The following TRIP12 variants were observed in gnomAD, a reference collection of about 807,000 sequenced individuals.
TRIP12 encodes the protein E3 ubiquitin-protein ligase TRIP12.
In TRIP12, 25 loss-of-function variants were observed where a neutral mutation model predicts 244.2. The observed-to-expected ratio is 0.10, with a 90% confidence interval of 0.07 to 0.14. TRIP12 has a LOEUF of 0.14. Ranked by LOEUF, TRIP12 falls within the 10% of genes least tolerant of loss-of-function variation. The pLI is 1.00. For synonymous variants in TRIP12, 905 were observed against 873.1 expected (o/e 1.04, Z -0.64); for missense variants, 1,677 against 2,486.4 (o/e 0.67, Z 6.92).
chr2:229,769,412 G>A, intron 39 of TRIP12, 87 bp from the exon 40 acceptor site: 1 of 1,185,276 alleles, frequency 8.4e-7, no homozygotes, highest in East Asian at 2.5e-5. Flanking sequence ...TACCATAAAA[G>A]AGTATCAGTC....
chr2:229,786,948 C>T (rs1285981832), intron 33 of TRIP12, among the ~76,000 whole-genome samples: 1 of 152,152 alleles, frequency 6.6e-6, no homozygotes, highest in Non-Finnish European at 1.5e-5. Flanking sequence ...ACTGTAGAAT[C>T]GGTCTCCACT....
chr2:229,767,812 A>G (rs1221048197), intron 41 of TRIP12, 62 bp from the exon 42 acceptor site: 1 of 1,496,544 alleles, frequency 6.7e-7, no homozygotes, highest in African/African-American at 1.4e-5. Flanking sequence ...GCTATCAGAA[A>G]ACATTCCACT....
In TRIP12 at chr2:229,766,303, A is replaced by G. The variant is rs994775807; in HGVS notation, c.*1251T>C. 1 of 152,212 alleles carries G rather than the reference A, an allele frequency of 6.6e-6. No individual in the cohort carries two copies. Among genetic ancestry groups the G allele is most frequent in the Non-Finnish European group, 1.5e-5 (1 of 68,042 alleles). 9.4% of individuals were successfully genotyped at this position (152,212 alleles called of 1,614,324 possible). A position where few individuals can be genotyped will look rare whatever the true frequency, so the allele number is the denominator to read the frequency against. On this transcript the variant is annotated 3_prime_UTR_variant, in exon 42 of 42. Coordinates refer to ENST00000675903, the MANE Select transcript of TRIP12 (RefSeq NM_001348323.3). ...ATCAGCCATGACCCGAATCATGGAG[A>G]TATGTGGATTTCCTTGCATTGAAAT...
chr2:229,777,556 G>T, intron 36 of TRIP12, 77 bp from the exon 37 acceptor site: 1 of 1,451,642 alleles, frequency 6.9e-7, no homozygotes, highest in Non-Finnish European at 9.5e-7. Flanking sequence ...CACTTCAGGA[G>T]ATCATTTAAA....
chr2:229,777,348 T>C lies in TRIP12; in HGVS notation c.5496A>G (p.Arg1832=), dbSNP rs2036599248. Residue 1832 remains arginine, a synonymous_variant, in exon 37 of 42, where the codon AGA becomes AGG. Coordinates refer to ENST00000675903, the MANE Select transcript of TRIP12 (RefSeq NM_001348323.3). ...TATCTTGTTCAAGTCTTTTCTTCTG[T>C]CTGACAATGTCTTCTAGGTGATAAA... ...RSVYHLEDIV[R]QKKRLEQDKS... is the part of the protein sequence containing the mutation. 2 of 1,613,736 alleles carry C rather than the reference T, an allele frequency of 1.2e-6. No homozygotes were observed. Among genetic ancestry groups the C allele is most frequent in the Middle Eastern group, 3.3e-4 (2 of 6,062 alleles).
At chr2:229,782,261 G>T (rs565716766) in intron 34 of TRIP12, among the ~76,000 whole-genome samples, 1 of 151,834 alleles carries the variant, frequency 6.6e-6, no homozygotes, top group African/African-American at 2.4e-5. Context: ...AGCAGTCCAG[G>T]GCCTCCACTC....
chr2:229,818,372 G>A lies in TRIP12; in HGVS notation c.1591C>T (p.Pro531Ser). ...LGGFPVKSVV[P>S]ALITLLQMEH... is the part of the protein sequence containing the mutation. The stretch of plus-strand genomic sequence containing the variant: ...AAAAACATTATGCTTACCAAAGCTG[G>A]AACAACACTCTTGACAGGAAACCCT... Residue 531 changes from proline to serine, a missense_variant, in exon 9 of 42, where the codon CCA becomes TCA. Pro to Ser is a moderately conservative substitution (Grantham distance 74). This residue lies in a region of TRIP12 where 572 missense variants were observed against 867.8 expected (regional missense o/e 0.66). Transcript: ENST00000675903. 1.2e-6 allele frequency: 2 copies of A among 1,613,668 alleles called. No homozygotes were observed. Among genetic ancestry groups the A allele is most frequent in the Non-Finnish European group, 1.7e-6 (2 of 1,179,858 alleles).
At chr2:229,859,878 G>A (rs762389180) in intron 3 of TRIP12, among the ~76,000 whole-genome samples, 4 of 152,114 alleles carry the variant, frequency 2.6e-5, no homozygotes, top group African/African-American at 4.8e-5. Context: ...TTAATTGTTC[G>A]GAACCAGAGG....
At chr2:229,767,998 T>C (rs11892166) in intron 41 of TRIP12, among the ~76,000 whole-genome samples, 8,933 of 152,254 alleles carry the variant, frequency 0.059, 879 homozygotes, top group African/African-American at 0.2. Flanking sequence ...CCACAGTGGT[T>C]CACGCCCGTA....
chr2:229,848,546 G>A (rs1181243647), intron 4 of TRIP12, among the ~76,000 whole-genome samples: 1 of 152,026 alleles, frequency 6.6e-6, no homozygotes, highest in East Asian at 1.9e-4. Context: ...GAAACAGAAC[G>A]AAAAAGGAAA....
At chr2:229,794,390 G>A (rs978521666) in intron 26 of TRIP12, among the ~76,000 whole-genome samples, 4 of 152,012 alleles carry the variant, frequency 2.6e-5, no homozygotes, top group South Asian at 2.1e-4. Flanking sequence ...AACAAAGTGA[G>A]ACCCCGTCTC....
intron 1 of TRIP12, among the ~76,000 whole-genome samples, chr2:229,888,406 C>T (rs560975834): frequency 2.6e-5 from 4 of 151,874 alleles, no homozygotes; most frequent in South Asian, 2.1e-4. Context: ...GAGAGGAATA[C>T]GCCCAGGATG....
intron 34 of TRIP12, among the ~76,000 whole-genome samples, chr2:229,782,310 C>T (rs899809708): frequency 9.2e-5 from 14 of 152,074 alleles, no homozygotes; most frequent in Admixed American, 2.6e-4. Flanking sequence ...TCTCCCAACA[C>T]TTCTACAGCA....
rs370149103 is a variant in TRIP12 at position 229,894,162 on chromosome 2, A to G, written c.-49-14034T>C. Reference sequence around the variant, plus strand: ...AGAGTGAGACTCTGGCTCAAAAAAAAAAGTTTTCGTTATTCTGCTGGGTGT... The same window carrying G: ...AGAGTGAGACTCTGGCTCAAAAAAAGAAGTTTTCGTTATTCTGCTGGGTGT... On this transcript the variant is annotated intron_variant, in intron 1 of 41. Transcript: ENST00000675903. 6.6e-5 allele frequency among the ~76,000 whole-genome samples: 10 copies of G among 152,248 alleles called. No homozygotes were observed. The East Asian group carries it at 9.6e-4, about 15-fold the overall frequency.
At chr2:229,860,569 A>T in intron 2 of TRIP12, 38 bp from the exon 3 acceptor site, 1 of 1,562,662 alleles carries the variant, frequency 6.4e-7, no homozygotes, top group Non-Finnish European at 8.7e-7. Context: ...CTATCAGGAA[A>T]CTGAGATGCA....
intron 2 of TRIP12, among the ~76,000 whole-genome samples, chr2:229,870,188 C>T (rs2062297038): frequency 6.6e-6 from 1 of 152,194 alleles, no homozygotes; most frequent in African/African-American, 2.4e-5. Context: ...AGGAGAGGTG[C>T]CGTGCACAAC....
intron 13 of TRIP12, among the ~76,000 whole-genome samples, chr2:229,812,970 T>TA (rs1176318469): frequency 2.0e-5 from 3 of 151,618 alleles, no homozygotes; most frequent in African/African-American, 7.3e-5. Flanking sequence ...TCTCTGTAGC[T>TA]AAAAAAAAAT....
intron 8 of TRIP12, among the ~76,000 whole-genome samples, chr2:229,826,641 G>A (rs1315687016): frequency 2.0e-5 from 3 of 152,116 alleles, no homozygotes; most frequent in Non-Finnish European, 4.4e-5. Context: ...AACCAAGATG[G>A]TACAGCCTAC....
At chr2:229,806,306 C>T (rs139827980) in intron 17 of TRIP12, among the ~76,000 whole-genome samples, 2 of 152,140 alleles carry the variant, frequency 1.3e-5, no homozygotes, top group African/African-American at 4.8e-5. Flanking sequence ...CCAAAATCCT[C>T]CCTTAAACAA....
Sources: gnomAD v4.1 joint callset for allele counts (sites outside exome capture counted in the v4.1 genomes callset) on GRCh38, gnomAD v4.1.1 for gene constraint, gnomAD v4.1.1 regional missense constraint, MANE v1.5 for transcripts, NCBI Gene and HGNC (gene_info 2026-07-23, HGNC 2026-07-21) for gene names.